Variants in EYS observed in about 807,000 individuals in gnomAD.
EYS encodes EGF-like photoreceptor maintenance factor.
In EYS, 250 loss-of-function variants were observed where a neutral mutation model predicts 282.1. The observed-to-expected ratio is 0.89, with a 90% CI of 0.80 to 0.98. The LOEUF (loss-of-function observed/expected upper bound fraction) is 0.98. Among genes scored for constraint, EYS ranks in the 50% least tolerant of loss-of-function variants. The probability of loss-of-function intolerance (pLI) is 0.00; values close to 1 mark genes in which losing one functional copy is unlikely to be tolerated. For synonymous variants in EYS, 1,355 were observed against 1,282.9 expected (o/e 1.06, Z -1.20); for missense variants, 4,016 against 3,709.0 (o/e 1.08, Z -2.15).
intron 22 of EYS, among the ~76,000 whole-genome samples, chr6:64,646,350 T>A (rs1768350160): frequency 6.6e-6 from 1 of 152,178 alleles, no homozygotes; most frequent in Non-Finnish European, 1.5e-5. Flanking sequence ...AGTGAATCAT[T>A]CATTGGATTC....
In EYS at chr6:64,286,992, A is replaced by C. The variant is rs574978987; in HGVS notation, c.6191+19978T>G. The stretch of plus-strand genomic sequence containing the variant: ...TGAAGTTTTCAGTACCGAATCTAGA[A>C]ATGTTGGATGCCTGGTGAGATGTGA... On this transcript the variant is annotated intron_variant, in intron 30 of 42. Coordinates refer to ENST00000503581, the MANE Select transcript of EYS (RefSeq NM_001142800.2). Among the ~76,000 whole-genome samples the C allele has an allele frequency of 3.9e-5, 6 of 152,234 alleles. 1 individual carries two copies. In the South Asian group the frequency reaches 1.2e-3, roughly 32 times the overall value.
chr6:63,873,109 C>T lies in EYS; in HGVS notation c.7056-8751G>A, dbSNP rs781104646. Among the ~76,000 whole-genome samples, 33 of 151,794 alleles carry T rather than the reference C, an allele frequency of 2.2e-4. 1 individual carries two copies. Among genetic ancestry groups the T allele is most frequent in the Admixed American group, 1.9e-3 (29 of 15,222 alleles). ...TGTTGGTGTGCTGCACCCATTAACT[C>T]GACATTTACATTAGGTATATCTCCT... On this transcript the variant is annotated intron_variant, in intron 35 of 42. Coordinates refer to ENST00000503581, the MANE Select transcript of EYS (RefSeq NM_001142800.2).
At chr6:64,974,184 T>G (rs1468127882) in intron 14 of EYS, among the ~76,000 whole-genome samples, 1 of 151,878 alleles carries the variant, frequency 6.6e-6, no homozygotes, top group Non-Finnish European at 1.5e-5. Context: ...AAAAATCGTA[T>G]GTACAGCATA....
intron 35 of EYS, among the ~76,000 whole-genome samples, chr6:63,864,744 G>A (rs1282171068): frequency 6.6e-6 from 1 of 152,174 alleles, no homozygotes; most frequent in East Asian, 1.9e-4. Context: ...AAAGCTCAGA[G>A]GAGAATTTTA....
At chr6:63,758,981 C>G (rs543788654) in intron 41 of EYS, among the ~76,000 whole-genome samples, 1 of 151,898 alleles carries the variant, frequency 6.6e-6, no homozygotes, top group African/African-American at 2.4e-5. Flanking sequence ...CTTCCTAGAA[C>G]GGGGGGCAGG....
At chr6:65,384,640 C>A in intron 7 of EYS, 140 bp from the exon 8 acceptor site, 1 of 585,376 alleles carries the variant, frequency 1.7e-6, no homozygotes, top group African/African-American at 1.9e-5. Flanking sequence ...TACCTGTGAT[C>A]TTAGCCAAAA....
rs575651530 is a variant in EYS, at chr6:65,474,856, T to C, written c.862+15738A>G. On this transcript the variant is annotated intron_variant, in intron 5 of 42. Coordinates refer to ENST00000503581, the MANE Select transcript of EYS (RefSeq NM_001142800.2). ...ATGAAAGAGCACTAAGAATTAAAAGTGCTCAAAGAACTGGAAGTGAACGAC... is the reference window on the plus strand; with the variant it reads ...ATGAAAGAGCACTAAGAATTAAAAGCGCTCAAAGAACTGGAAGTGAACGAC... Among the ~76,000 whole-genome samples, 3 of 152,082 alleles carry C rather than the reference T, an allele frequency of 2.0e-5. No individual in the cohort carries two copies. The South Asian group carries it at 6.2e-4, about 32-fold the overall frequency.
At chr6:64,091,641 C>A (rs1460006595) in intron 31 of EYS, among the ~76,000 whole-genome samples, 1 of 152,150 alleles carries the variant, frequency 6.6e-6, no homozygotes, top group East Asian at 1.9e-4. Context: ...GTGGATCAGG[C>A]ACTGAGAACA....
chr6:63,751,204 A>G (rs988378929), intron 41 of EYS, among the ~76,000 whole-genome samples: 3 of 152,174 alleles, frequency 2.0e-5, no homozygotes, highest in African/African-American at 7.2e-5. Flanking sequence ...TTATCTGTAC[A>G]TACTATAAGG....
chr6:64,558,558 A>C (rs941193885), intron 26 of EYS, among the ~76,000 whole-genome samples: 4 of 152,140 alleles, frequency 2.6e-5, no homozygotes, highest in African/African-American at 4.8e-5. Flanking sequence ...AACAAAAAAA[A>C]CACAAACTAA....
intron 29 of EYS, 97 bp downstream of exon 29, chr6:64,388,592 AG>A: frequency 8.3e-7 from 1 of 1,203,686 alleles, no homozygotes; most frequent in Non-Finnish European, 1.1e-6. Flanking sequence ...CCCACTAGCC[AG>A]AAAATATTTC....
At chr6:64,965,330 A>C (rs1164098758) in intron 14 of EYS, among the ~76,000 whole-genome samples, 1 of 151,990 alleles carries the variant, frequency 6.6e-6, no homozygotes, top group Non-Finnish European at 1.5e-5. Context: ...ACCATAAATG[A>C]TCATAAAAAG....
intron 26 of EYS, among the ~76,000 whole-genome samples, chr6:64,536,127 G>T (rs552870828): frequency 6.6e-5 from 10 of 151,970 alleles, no homozygotes; most frequent in East Asian, 1.9e-4. Context: ...AAAATCACAT[G>T]AAAAAGCAAA....
At chr6:65,582,553 CT>C (rs1383919689) in intron 2 of EYS, among the ~76,000 whole-genome samples, 3 of 152,120 alleles carry the variant, frequency 2.0e-5, no homozygotes, top group African/African-American at 7.2e-5. Flanking sequence ...TGAAACTCAT[CT>C]GTACTTTTGA....
intron 13 of EYS, among the ~76,000 whole-genome samples, chr6:65,052,664 G>T (rs1379121304): frequency 1.3e-5 from 2 of 151,370 alleles, no homozygotes; most frequent in African/African-American, 4.8e-5. Flanking sequence ...ATTATATCAG[G>T]GAAAGTGAAA....
intron 14 of EYS, among the ~76,000 whole-genome samples, chr6:64,958,282 TGA>T (rs1405861092): frequency 6.6e-6 from 1 of 152,036 alleles, no homozygotes; most frequent in Non-Finnish European, 1.5e-5. Flanking sequence ...TTCGGGAGGC[TGA>T]GACATGAGAG....
chr6:64,647,684 G>A (rs1235084795), intron 22 of EYS, among the ~76,000 whole-genome samples: 1 of 151,808 alleles, frequency 6.6e-6, no homozygotes, highest in Non-Finnish European at 1.5e-5. Context: ...AAAATTACAT[G>A]ATAAATTATA....
chr6:65,168,149 C>G (rs1046441683), intron 12 of EYS, among the ~76,000 whole-genome samples: 1 of 151,228 alleles, frequency 6.6e-6, no homozygotes, highest in African/African-American at 2.4e-5. Flanking sequence ...AGTGACATGA[C>G]ATTTTTTAAG....
intron 2 of EYS, among the ~76,000 whole-genome samples, chr6:65,589,963 A>T (rs1388046491): frequency 2.0e-5 from 3 of 152,008 alleles, no homozygotes; most frequent in Admixed American, 6.6e-5. Flanking sequence ...TATCTTTATA[A>T]TTTAAAAAAT....
Sources: gnomAD v4.1 joint callset for allele counts (sites outside exome capture counted in the v4.1 genomes callset) on GRCh38, gnomAD v4.1.1 for gene constraint, MANE v1.5 for transcripts, NCBI Gene and HGNC (gene_info 2026-07-23, HGNC 2026-07-21) for gene names.